Variants in SUSD4 observed in about 807,000 individuals in gnomAD.
SUSD4 encodes sushi domain containing 4, also known as sushi domain-containing protein 4.
Under a neutral mutation model 50.5 loss-of-function variants are expected in SUSD4, and 41 were observed. That is an observed-to-expected ratio of 0.81 (90% CI 0.63 to 1.05). The LOEUF (loss-of-function observed/expected upper bound fraction) is 1.05. SUSD4 is among the 50% of genes least tolerant of loss of function. The pLI is 0.00. For missense variants in SUSD4, 580 were observed against 634.7 expected, an observed-to-expected ratio of 0.91 and a Z score of 0.93; for synonymous variants, 257 against 257.3, an observed-to-expected ratio of 1.00 and a Z score of 0.01.
chr1:223,222,627 C>T (rs1659204466), intron 8 of SUSD4, among the ~76,000 whole-genome samples: 1 of 152,210 alleles, frequency 6.6e-6, no homozygotes, highest in African/African-American at 2.4e-5. Flanking sequence ...AATTAGTGCT[C>T]TCATTTGCAA....
chr1:223,282,948 C>A (rs559957022), intron 3 of SUSD4, among the ~76,000 whole-genome samples: 1 of 152,314 alleles, frequency 6.6e-6, no homozygotes, highest in South Asian at 2.1e-4. Flanking sequence ...CATCTGCAAC[C>A]ATCTGATCTT....
intron 2 of SUSD4, among the ~76,000 whole-genome samples, chr1:223,321,441 G>A (rs562762861): frequency 6.6e-6 from 1 of 152,272 alleles, no homozygotes; most frequent in South Asian, 2.1e-4. Flanking sequence ...ATTCTATGTA[G>A]CTCACTGAGA....
Position 223,229,067 on chromosome 1 carries a change from T to C in SUSD4, c.916+130A>G, listed in dbSNP as rs1659714975. The C allele has an allele frequency of 2.1e-6, 2 of 938,312 alleles. No individual in the cohort carries two copies. Among genetic ancestry groups the C allele is most frequent in the Admixed American group, 2.3e-5 (1 of 43,398 alleles). The allele number at this position is 938,312 out of a possible 1,614,324, so 58.1% of individuals were successfully genotyped here. On this transcript the variant is annotated intron_variant, in intron 6 of 8. Coordinates refer to ENST00000366878, the MANE Select transcript of SUSD4 (RefSeq NM_017982.4). This position sits in a 1 kb window ranked among gnomAD's most constrained non-coding sequence, Gnocchi z 4.7. ...GCAGCCCCATCGACCCGCAATGATA[T>C]GTTTCGATATCCTGTTCCTGACACT...
chr1:223,237,262 G>A (rs945221148), intron 5 of SUSD4, among the ~76,000 whole-genome samples: 2 of 151,852 alleles, frequency 1.3e-5, no homozygotes, highest in Non-Finnish European at 2.9e-5. Context: ...AATTATTTTG[G>A]ATTTCTTACA....
chr1:223,353,542 T>C (rs1309892935), intron 2 of SUSD4, among the ~76,000 whole-genome samples: 1 of 151,884 alleles, frequency 6.6e-6, no homozygotes, highest in Non-Finnish European at 1.5e-5. Flanking sequence ...GCTTCAGAGG[T>C]GACAGAGCTG....
chr1:223,292,706 G>T, intron 2 of SUSD4, 55 bp from the exon 3 acceptor site: 1 of 1,578,746 alleles, frequency 6.3e-7, no homozygotes, highest in Non-Finnish European at 8.6e-7. Context: ...TCAATGCCAA[G>T]GGCCTTCCTA....
At chr1:223,340,234 G>C (rs1667680273) in intron 2 of SUSD4, among the ~76,000 whole-genome samples, 1 of 152,208 alleles carries the variant, frequency 6.6e-6, no homozygotes, top group Non-Finnish European at 1.5e-5. Flanking sequence ...GCTCATGTGT[G>C]CCCATCACTT....
intron 5 of SUSD4, among the ~76,000 whole-genome samples, chr1:223,241,124 T>C (rs1022598496): frequency 6.6e-6 from 1 of 152,184 alleles, no homozygotes; most frequent in Non-Finnish European, 1.5e-5. Context: ...TGGGCTCTGA[T>C]AATACCCCAG....
At chr1:223,277,248 T>C (rs1663341018) in intron 3 of SUSD4, among the ~76,000 whole-genome samples, 1 of 152,202 alleles carries the variant, frequency 6.6e-6, no homozygotes, top group Non-Finnish European at 1.5e-5. Context: ...GTCAGGTCTA[T>C]GGGAGCCAAA....
At chr1:223,324,488 G>A (rs1666760786) in intron 2 of SUSD4, among the ~76,000 whole-genome samples, 1 of 151,672 alleles carries the variant, frequency 6.6e-6, no homozygotes, top group African/African-American at 2.4e-5. Context: ...CTTTAAAAAG[G>A]TATCTTAAAA....
rs765810785 is a variant in SUSD4 at position 223,292,538 on chromosome 1, CGTCTT to C, written c.257_261del (p.Gln86ArgfsTer17). ...TTTGTAGCGCCCTTCAGCTTGAATC[CGTCTT>C]GGCAGTGAAATCGGGCTACAGAGCC... is the stretch of plus-strand genomic sequence containing the variant. On this transcript the variant is annotated frameshift_variant, in exon 3 of 9. Coordinates refer to ENST00000366878, the MANE Select transcript of SUSD4 (RefSeq NM_017982.4). LOFTEE classifies it high-confidence loss of function. 1.9e-6 allele frequency: 3 copies of C among 1,614,124 alleles called. No homozygotes were observed. Among genetic ancestry groups the C allele is most frequent in the Non-Finnish European group, 2.5e-6 (3 of 1,180,014 alleles).
At chr1:223,354,041 A>T (rs1313832815) in intron 2 of SUSD4, among the ~76,000 whole-genome samples, 1 of 152,060 alleles carries the variant, frequency 6.6e-6, no homozygotes, top group Non-Finnish European at 1.5e-5. Context: ...CAAGAAAAAA[A>T]AAAAAAGAAA....
At chr1:223,290,222 A>G (rs1436150498) in intron 3 of SUSD4, among the ~76,000 whole-genome samples, 4 of 152,240 alleles carry the variant, frequency 2.6e-5, no homozygotes, top group African/African-American at 9.6e-5. Context: ...ATCAGGGAGC[A>G]TGGCTATTTA....
intron 2 of SUSD4, among the ~76,000 whole-genome samples, chr1:223,298,550 G>A (rs1664984789): frequency 6.6e-6 from 1 of 152,100 alleles, no homozygotes; most frequent in South Asian, 2.1e-4. Flanking sequence ...ACACTTTTTG[G>A]CCAGTCACCC....
rs1365503785 is a variant in SUSD4 at position 223,363,466 on chromosome 1, A to T, written c.-35-6T>A. The T allele has an allele frequency of 2.0e-5, 30 of 1,490,826 alleles. No homozygotes were observed. The highest frequency in any genetic ancestry group is 2.3e-5 in the Non-Finnish European group (26 of 1,109,684). 92.3% of individuals were successfully genotyped at this position (1,490,826 alleles called of 1,614,324 possible). ...GGCATCCAGCTTGCAAGAGTCTGCA[A>T]CCAGAAGCGGAACACCACAATAAGC... On this transcript the variant is annotated splice_region_variant and splice_polypyrimidine_tract_variant and intron_variant, in intron 1 of 8. Transcript: ENST00000366878.
chr1:223,321,215 AC>A (rs1666552542), intron 2 of SUSD4, among the ~76,000 whole-genome samples: 1 of 152,062 alleles, frequency 6.6e-6, no homozygotes, highest in Non-Finnish European at 1.5e-5. Flanking sequence ...CAGGTACCAG[AC>A]CTGAGGGCTC....
chr1:223,307,503 G>A (rs893655992), intron 2 of SUSD4, among the ~76,000 whole-genome samples: 3 of 152,106 alleles, frequency 2.0e-5, no homozygotes, highest in African/African-American at 7.2e-5. Context: ...TTTTTTTAGT[G>A]ATACTGAATA....
At chr1:223,334,012 G>T (rs1037083212) in intron 2 of SUSD4, among the ~76,000 whole-genome samples, 2 of 152,134 alleles carry the variant, frequency 1.3e-5, no homozygotes, top group Admixed American at 1.3e-4. Context: ...CCCAGGAATA[G>T]ATAAGACCCA....
At chr1:223,287,894 A>C (rs1664244924) in intron 3 of SUSD4, among the ~76,000 whole-genome samples, 1 of 152,186 alleles carries the variant, frequency 6.6e-6, no homozygotes, top group South Asian at 2.1e-4. Flanking sequence ...TTAAGTCTGC[A>C]GCAGGCTCCA....
Sources: allele counts gnomAD v4.1 joint callset (sites outside exome capture counted in the v4.1 genomes callset), GRCh38; gene constraint gnomAD v4.1.1; non-coding constraint Gnocchi (gnomAD v3.1); transcripts MANE v1.5; gene names NCBI Gene and HGNC (gene_info 2026-07-23, HGNC 2026-07-21).